ATP2B1: variants seen among roughly 807,000 people sequenced by gnomAD.
ATP2B1 encodes ATPase plasma membrane Ca2+ transporting 1.
In ATP2B1, 14 loss-of-function variants were observed where a neutral mutation model predicts 124.2. That is an observed-to-expected ratio of 0.11 (90% confidence interval 0.07 to 0.18). The LOEUF (loss-of-function observed/expected upper bound fraction) is 0.18, where lower values mean the gene tolerates loss of function less well. ATP2B1 is among the 10% of genes least tolerant of loss of function. The pLI is 1.00. For missense variants in ATP2B1, 763 were observed against 1,466.1 expected, an observed-to-expected ratio of 0.52 and a Z score of 7.83; for synonymous variants, 449 against 492.4, an observed-to-expected ratio of 0.91 and a Z score of 1.17.
At chr12:89,707,890 C>A (rs1271036665) in intron 1 of ATP2B1, among the ~76,000 whole-genome samples, 1 of 152,236 alleles carries the variant, frequency 6.6e-6, no homozygotes, top group African/African-American at 2.4e-5. Flanking sequence ...GAACGCGGTC[C>A]TCCTACAGAC....
In ATP2B1 at chr12:89,611,382, A is replaced by AT; in HGVS notation, c.2068-11dup. Reference sequence around the variant, plus strand: ...TAATTGCATCTGGCACCTGGTTTACATTAAAAAAAAAAATTACAAAGTTAA... The same window carrying AT: ...TAATTGCATCTGGCACCTGGTTTACATTTAAAAAAAAAAATTACAAAGTTAA... On this transcript the variant is annotated splice_polypyrimidine_tract_variant and intron_variant, in intron 12 of 20. Transcript: ENST00000428670. 1 of 1,496,604 alleles carries AT rather than the reference A, an allele frequency of 6.7e-7. No individual in the cohort carries two copies. The highest frequency in any genetic ancestry group is 8.9e-7 in the Non-Finnish European group (1 of 1,123,582). 92.7% of individuals were successfully genotyped at this position (1,496,604 alleles called of 1,614,324 possible). A position where few individuals can be genotyped will look rare whatever the true frequency, so the allele number is the denominator to read the frequency against.
At chr12:89,606,928 T>C (rs1195696292) in intron 15 of ATP2B1, among the ~76,000 whole-genome samples, 2 of 152,140 alleles carry the variant, frequency 1.3e-5, no homozygotes, top group Non-Finnish European at 2.9e-5. Flanking sequence ...TTGATTCTCA[T>C]CATACCCATA....
At chr12:89,630,129 TGAA>T (rs1212987004) in intron 6 of ATP2B1, among the ~76,000 whole-genome samples, 7 of 152,196 alleles carry the variant, frequency 4.6e-5, no homozygotes, top group Non-Finnish European at 1.0e-4. Flanking sequence ...AATAGAAATG[TGAA>T]GAAGATTAAA....
At chr12:89,663,996 T>C (rs1331571431) in intron 1 of ATP2B1, among the ~76,000 whole-genome samples, 4 of 152,372 alleles carry the variant, frequency 2.6e-5, no homozygotes, top group African/African-American at 9.6e-5. Context: ...GATTCGTTTA[T>C]TGATAATAAT....
chr12:89,667,566 T>C (rs940043357), intron 1 of ATP2B1, among the ~76,000 whole-genome samples: 1 of 152,106 alleles, frequency 6.6e-6, no homozygotes, highest in Admixed American at 6.6e-5. Flanking sequence ...CTTATCACTG[T>C]CCCCCAACAC....
chr12:89,630,878 T>C (rs1479100504), intron 5 of ATP2B1: 1 of 177,922 alleles, frequency 5.6e-6, no homozygotes, highest in East Asian at 1.4e-4. Context: ...TCTCCTGGGC[T>C]GAAGTAACCC....
chr12:89,668,031 G>C (rs1461924383), intron 1 of ATP2B1, among the ~76,000 whole-genome samples: 1 of 152,162 alleles, frequency 6.6e-6, no homozygotes, highest in East Asian at 1.9e-4. Flanking sequence ...CACTGTCTAG[G>C]ATACACCTAA....
rs190049479 is a variant in ATP2B1 at position 89,685,181 on chromosome 12, A to G, written c.-222+23415T>C. Among the ~76,000 whole-genome samples the G allele has an allele frequency of 2.2e-5, 3 of 136,530 alleles. No individual in the cohort carries two copies. In the East Asian group the frequency reaches 6.6e-4, roughly 30 times the overall value. 89.6% of individuals were successfully genotyped at this position (136,530 alleles called of 152,430 possible). On this transcript the variant is annotated intron_variant, in intron 1 of 20. Coordinates refer to ENST00000428670, the MANE Select transcript of ATP2B1 (RefSeq NM_001366521.1). ...TTTGACCAAAAATCTAAATGAGGTGATAAGTAGTCTGGGACTTAAGTTCCT... is the reference window on the plus strand; with the variant it reads ...TTTGACCAAAAATCTAAATGAGGTGGTAAGTAGTCTGGGACTTAAGTTCCT...
intron 2 of ATP2B1, chr12:89,655,463 CCCG>C: frequency 1.8e-6 from 1 of 544,952 alleles, no homozygotes; most frequent in Non-Finnish European, 3.3e-6. Flanking sequence ...AATATTTCAT[CCCG>C]CCAATCTAAA....
chr12:89,668,511 T>C (rs944396317), intron 1 of ATP2B1, among the ~76,000 whole-genome samples: 4 of 152,212 alleles, frequency 2.6e-5, no homozygotes, highest in African/African-American at 9.6e-5. Context: ...AACTTTTTAA[T>C]ATAGGCAATT....
In ATP2B1 at chr12:89,707,717, C is replaced by T. The variant is rs1052277711; in HGVS notation, c.-222+879G>A. On this transcript the variant is annotated intron_variant, in intron 1 of 20. Transcript: ENST00000428670. ...GCGCACAGGGTGCGAGCACTCCCAGCGCTGCGAGTCCCGCAGAAAACTGGT... is the reference window on the plus strand; with the variant it reads ...GCGCACAGGGTGCGAGCACTCCCAGTGCTGCGAGTCCCGCAGAAAACTGGT... Among the ~76,000 whole-genome samples, 4 of 152,292 alleles carry T rather than the reference C, an allele frequency of 2.6e-5. No homozygotes were observed. In the South Asian group the frequency reaches 8.3e-4, roughly 32 times the overall value.
chr12:89,675,418 G>A (rs1287426884), intron 1 of ATP2B1, among the ~76,000 whole-genome samples: 2 of 152,062 alleles, frequency 1.3e-5, no homozygotes, highest in Non-Finnish European at 2.9e-5. Flanking sequence ...GATGGATGAC[G>A]ACCTGTATTC....
chr12:89,616,751 C>G (rs1331632007), intron 12 of ATP2B1, 51 bp downstream of exon 12: 3 of 1,539,358 alleles, frequency 1.9e-6, no homozygotes, highest in South Asian at 2.3e-5. Flanking sequence ...AGGCCTAGGT[C>G]CTCTATAGTT....
intron 1 of ATP2B1, among the ~76,000 whole-genome samples, chr12:89,693,457 A>C (rs1002635780): frequency 1.3e-5 from 2 of 152,230 alleles, no homozygotes; most frequent in Non-Finnish European, 2.9e-5. Flanking sequence ...AGGACAGAAG[A>C]ACTTCATGAA....
intron 1 of ATP2B1, among the ~76,000 whole-genome samples, chr12:89,703,319 T>C (rs1892071780): frequency 6.6e-6 from 1 of 152,204 alleles, no homozygotes; most frequent in Non-Finnish European, 1.5e-5. Context: ...CACAAACGGT[T>C]ATTTAACATT....
intron 1 of ATP2B1, among the ~76,000 whole-genome samples, chr12:89,670,412 AGTT>A (rs984870927): frequency 4.1e-5 from 6 of 145,390 alleles, no homozygotes; most frequent in Non-Finnish European, 7.6e-5. Context: ...GACTTTTTGT[AGTT>A]GTTGTTGTTT....
intron 1 of ATP2B1, among the ~76,000 whole-genome samples, chr12:89,685,855 G>A (rs1889905726): frequency 6.6e-6 from 1 of 152,034 alleles, no homozygotes. Flanking sequence ...GTGTCCTTAA[G>A]AAGAGATACC....
chr12:89,601,276 T>TA lies in ATP2B1; in HGVS notation c.3168+49dup, dbSNP rs749627017. 7.2e-3 allele frequency: 7,726 copies of TA among 1,066,382 alleles called. 1 individual carries two copies. The highest frequency in any genetic ancestry group is 8.0e-3 in the Non-Finnish European group (6,089 of 764,376). 66.1% of individuals were successfully genotyped at this position (1,066,382 alleles called of 1,614,324 possible). A position where few individuals can be genotyped will look rare whatever the true frequency, so the allele number is the denominator to read the frequency against. ...GTTAAAGAAAATACACACTAGAAAT[T>TA]AAAAAAAAAAATCACTTTAGGTTTA... On this transcript the variant is annotated intron_variant, in intron 19 of 20. Coordinates refer to ENST00000428670, the MANE Select transcript of ATP2B1 (RefSeq NM_001366521.1).
chr12:89,658,598 G>GAGAGAGAGAGAGAGAGA (rs1886258752), intron 1 of ATP2B1, among the ~76,000 whole-genome samples: 2 of 69,578 alleles, frequency 2.9e-5, no homozygotes, highest in African/African-American at 1.2e-4. Flanking sequence ...AATTCAAACA[G>GAGAGAGAGAGAGAGAGA]GAGAGAGAGA....
Sources: gnomAD v4.1 joint callset for allele counts (sites outside exome capture counted in the v4.1 genomes callset) on GRCh38, gnomAD v4.1.1 for gene constraint, MANE v1.5 for transcripts, NCBI Gene and HGNC (gene_info 2026-07-23, HGNC 2026-07-21) for gene names.